Variants in DMAC2L observed in about 807,000 individuals in gnomAD.
DMAC2L encodes distal membrane arm assembly component 2 like.
A neutral mutation model predicts 22.5 loss-of-function variants in DMAC2L; 21 were observed. The observed-to-expected ratio is 0.93, with a 90% CI of 0.66 to 1.34. The LOEUF (loss-of-function observed/expected upper bound fraction) is 1.34. Ranked by LOEUF, DMAC2L falls within the 40% of genes most tolerant of loss-of-function variation. The pLI, the probability that DMAC2L is intolerant of heterozygous loss-of-function variation, is 0.00. For missense variants in DMAC2L, 239 were observed against 246.5 expected (o/e 0.97, Z 0.20); for synonymous variants, 86 against 89.5 (o/e 0.96, Z 0.22).
intron 4 of DMAC2L, chr14:50,323,035 A>T: frequency 8.0e-7 from 1 of 1,249,032 alleles, no homozygotes; most frequent in Non-Finnish European, 1.0e-6. Context: ...ATAATGCAGG[A>T]ATAATTATAT....
intron 1 of DMAC2L, 77 bp downstream of exon 1, chr14:50,312,466 C>A (rs1386677226): frequency 1.1e-5 from 5 of 460,400 alleles, no homozygotes; most frequent in Non-Finnish European, 1.6e-5. Context: ...GTCGCCAACG[C>A]TGGGCTGACT....
upstream of DMAC2L, chr14:50,312,008 C>G (rs954983780): frequency 4.5e-6 from 7 of 1,560,896 alleles, no homozygotes; most frequent in African/African-American, 9.5e-5. Flanking sequence ...AGCGGCCACT[C>G]ACCTGGTGCT....
At chr14:50,317,091 T>C (rs2031867194) in intron 2 of DMAC2L, among the ~76,000 whole-genome samples, 1 of 152,194 alleles carries the variant, frequency 6.6e-6, no homozygotes, top group Admixed American at 6.5e-5. Context: ...TTTGTTTATG[T>C]CATCTGTTAT....
At chr14:50,322,824 A>T in intron 4 of DMAC2L, 105 bp downstream of exon 4, 1 of 1,546,334 alleles carries the variant, frequency 6.5e-7, no homozygotes, top group South Asian at 1.2e-5. Flanking sequence ...CTTTTTGCCC[A>T]TTTCATTATA....
chr14:50,325,113 A>G (rs983859087), intron 5 of DMAC2L, among the ~76,000 whole-genome samples: 1 of 130,630 alleles, frequency 7.7e-6, no homozygotes, highest in Non-Finnish European at 1.7e-5. Flanking sequence ...TAGAGATCTC[A>G]ACATTCAAAT....
At chr14:50,315,465 C>T (rs1200476801) in intron 2 of DMAC2L, among the ~76,000 whole-genome samples, 2 of 150,526 alleles carry the variant, frequency 1.3e-5, no homozygotes, top group Admixed American at 6.6e-5. Context: ...AGATTGAGAC[C>T]ATCTTGGTCA....
chr14:50,312,204 A>C, upstream of DMAC2L: 5 of 1,596,102 alleles, frequency 3.1e-6, no homozygotes, highest in Non-Finnish European at 4.3e-6. Flanking sequence ...TTGACCCTCC[A>C]CGGCCGAGGA....
At chr14:50,312,693 C>T (rs1284489084) in intron 1 of DMAC2L, 4 of 328,586 alleles carry the variant, frequency 1.2e-5, no homozygotes, top group Non-Finnish European at 2.2e-5. Context: ...CCGCGGTAGA[C>T]GGAGGGCCTG....
chr14:50,327,812 T>C lies in DMAC2L; in HGVS notation c.*2089T>C, dbSNP rs915554707. On this transcript the variant is annotated 3_prime_UTR_variant, in exon 6 of 6. Coordinates refer to ENST00000557421, the MANE Select transcript of DMAC2L (RefSeq NM_001382507.1). ...GAAAATAATTTTCTATGATACAGCT[T>C]TCAGGTAGAAAAATGAATTTTCGTT... The C allele has an allele frequency of 1.3e-5, 2 of 152,174 alleles. No homozygotes were observed. The highest frequency in any genetic ancestry group is 2.9e-5 in the Non-Finnish European group (2 of 68,038). 9.4% of individuals were successfully genotyped at this position (152,174 alleles called of 1,614,324 possible).
At chr14:50,318,846 GTTAT>G in intron 2 of DMAC2L, 1 of 182,002 alleles carries the variant, frequency 5.5e-6, no homozygotes, top group Non-Finnish European at 1.0e-5. Flanking sequence ...CACGTTGGGT[GTTAT>G]TTATCTCTTT....
upstream of DMAC2L, chr14:50,312,122 C>G (rs773202214): frequency 2.5e-6 from 4 of 1,610,292 alleles, no homozygotes; most frequent in South Asian, 3.3e-5. Flanking sequence ...TCCGCAGGCA[C>G]CAACCAAATA....
chr14:50,325,817 A>G lies in DMAC2L; in HGVS notation c.*94A>G. 1 of 1,461,676 alleles carries G rather than the reference A, an allele frequency of 6.8e-7. No individual in the cohort carries two copies. The highest frequency in any genetic ancestry group is 9.0e-7 in the Non-Finnish European group (1 of 1,109,490). 90.5% of individuals were successfully genotyped at this position (1,461,676 alleles called of 1,614,324 possible). A position where few individuals can be genotyped will look rare whatever the true frequency, so the allele number is the denominator to read the frequency against. ...TATAGTCATCAGTAGAATTATAAGGATGCCATATCATGACATTTTAGAAGT... is the reference window on the plus strand; with the variant it reads ...TATAGTCATCAGTAGAATTATAAGGGTGCCATATCATGACATTTTAGAAGT... On this transcript the variant is annotated 3_prime_UTR_variant, in exon 6 of 6. Coordinates refer to ENST00000557421, the MANE Select transcript of DMAC2L (RefSeq NM_001382507.1).
chr14:50,326,547 A>C lies in DMAC2L; in HGVS notation c.*824A>C. The stretch of plus-strand genomic sequence containing the variant: ...TTGCGTGCATTTCCCATGATCCTGC[A>C]TTCTTGTGTTCTTGATAGCATACAG... On this transcript the variant is annotated 3_prime_UTR_variant, in exon 6 of 6. Transcript: ENST00000557421. 1.0e-6 allele frequency: 1 copy of C among 985,442 alleles called. No homozygotes were observed. The highest frequency in any genetic ancestry group is 1.2e-6 in the Non-Finnish European group (1 of 829,924). 61.0% of individuals were successfully genotyped at this position (985,442 alleles called of 1,614,324 possible). A position where few individuals can be genotyped will look rare whatever the true frequency, so the allele number is the denominator to read the frequency against.
chr14:50,325,490 T>C (rs2032650261), intron 5 of DMAC2L, 119 bp from the exon 6 acceptor site: 2 of 1,226,924 alleles, frequency 1.6e-6, no homozygotes, highest in Non-Finnish European at 2.2e-6. Flanking sequence ...AAAGTAATTT[T>C]GAAGGCATAG....
In DMAC2L at chr14:50,312,355, G is replaced by C; in HGVS notation, c.-76G>C. On this transcript the variant is annotated 5_prime_UTR_variant, in exon 1 of 6. Coordinates refer to ENST00000557421, the MANE Select transcript of DMAC2L (RefSeq NM_001382507.1). Reference sequence around the variant, plus strand: ...GCCAGGGTGCCGCAGACGCGGGGACGCTGGCTCGCTCCCTCCCTCCCTCCC... The same window carrying C: ...GCCAGGGTGCCGCAGACGCGGGGACCCTGGCTCGCTCCCTCCCTCCCTCCC... The C allele has an allele frequency of 3.0e-6, 2 of 667,006 alleles. No homozygotes were observed. The highest frequency in any genetic ancestry group is 1.9e-5 in the South Asian group (1 of 53,696). The allele number at this position is 667,006 out of a possible 1,614,324, so 41.3% of individuals were successfully genotyped here. A position where few individuals can be genotyped will look rare whatever the true frequency, so the allele number is the denominator to read the frequency against.
Position 50,326,324 on chromosome 14 carries a change from T to C in DMAC2L, c.*601T>C, listed in dbSNP as rs999539524. The stretch of plus-strand genomic sequence containing the variant: ...CTATAGATATCTCTTGATGTAGATA[T>C]TTAGAATCCTTTAAAGTTATTTGTA... On this transcript the variant is annotated 3_prime_UTR_variant, in exon 6 of 6. Transcript: ENST00000557421. The C allele has an allele frequency of 1.5e-6, 1 of 663,300 alleles. No homozygotes were observed. The highest frequency in any genetic ancestry group is 1.9e-6 in the Non-Finnish European group (1 of 535,990). The allele number at this position is 663,300 out of a possible 1,614,324, so 41.1% of individuals were successfully genotyped here. A position where few individuals can be genotyped will look rare whatever the true frequency, so the allele number is the denominator to read the frequency against.
chr14:50,311,907 C>T, upstream of DMAC2L: 11 of 1,478,900 alleles, frequency 7.4e-6, no homozygotes, highest in South Asian at 1.2e-4. Context: ...CCAACCTGCT[C>T]TCACCCCGGG....
intron 4 of DMAC2L, 162 bp downstream of exon 4, chr14:50,322,881 T>C (rs1193688009): frequency 2.7e-6 from 4 of 1,468,112 alleles, no homozygotes; most frequent in African/African-American, 2.8e-5. Flanking sequence ...TCAAATTAAA[T>C]TGAGGTTACA....
rs1281252962 is a variant in DMAC2L, at chr14:50,321,467, T to C, written c.-5-16T>C. The C allele has an allele frequency of 1.2e-6, 2 of 1,613,136 alleles. No individual in the cohort carries two copies. The highest frequency in any genetic ancestry group is 1.7e-6 in the Non-Finnish European group (2 of 1,179,224). On this transcript the variant is annotated splice_polypyrimidine_tract_variant and intron_variant, in intron 2 of 5. Coordinates refer to ENST00000557421, the MANE Select transcript of DMAC2L (RefSeq NM_001382507.1). Reference sequence around the variant, plus strand: ...TCGGATGATGATCTAATGTAAGTACTGTTTTGTGTGTCTAGATCAAATGAT... The same window carrying C: ...TCGGATGATGATCTAATGTAAGTACCGTTTTGTGTGTCTAGATCAAATGAT...
Sources: gnomAD v4.1 joint callset for allele counts (sites outside exome capture counted in the v4.1 genomes callset) on GRCh38, gnomAD v4.1.1 for gene constraint, MANE v1.5 for transcripts, NCBI Gene and HGNC (gene_info 2026-07-23, HGNC 2026-07-21) for gene names.